The following CHSY3 variants were observed in gnomAD, a reference collection of about 807,000 sequenced individuals.
The protein encoded by CHSY3 is N-acetylgalactosaminyl-proteoglycan 3-beta-glucuronosyltransferase 3.
CHSY3 carries 35 observed loss-of-function variants against 67.2 expected under a neutral mutation model. The observed-to-expected ratio is 0.52, with a 90% CI of 0.40 to 0.69. CHSY3 has a LOEUF of 0.69. CHSY3 is among the 30% of genes least tolerant of loss of function. CHSY3 has a pLI of 0.00. For missense variants in CHSY3, 1,069 were observed against 1,138.5 expected (o/e 0.94, Z 0.88); for synonymous variants, 474 against 434.7 (o/e 1.09, Z -1.12).
chr5:130,058,697 C>T (rs1472492486), intron 2 of CHSY3, among the ~76,000 whole-genome samples: 2 of 152,176 alleles, frequency 1.3e-5, no homozygotes, highest in Non-Finnish European at 1.5e-5. Context: ...TTTCTATTTT[C>T]AGCTATCAGT....
intron 2 of CHSY3, among the ~76,000 whole-genome samples, chr5:130,127,344 C>A (rs1049040719): frequency 2.0e-5 from 3 of 152,252 alleles, no homozygotes; most frequent in African/African-American, 7.2e-5. Context: ...ATTAAAACAA[C>A]CTGCAAGTGA....
chr5:130,128,635 G>T (rs1768376891), intron 2 of CHSY3, among the ~76,000 whole-genome samples: 1 of 152,024 alleles, frequency 6.6e-6, no homozygotes, highest in Admixed American at 6.6e-5. Flanking sequence ...ACCTGAAATT[G>T]CTAAGAGTAC....
At chr5:129,950,013 A>T (rs1051054140) in intron 2 of CHSY3, among the ~76,000 whole-genome samples, 8 of 151,948 alleles carry the variant, frequency 5.3e-5, no homozygotes, top group African/African-American at 1.9e-4. Context: ...AAAATACAAA[A>T]ATTAGCCAGG....
chr5:130,107,078 G>C (rs1377447259), intron 2 of CHSY3, among the ~76,000 whole-genome samples: 1 of 150,954 alleles, frequency 6.6e-6, no homozygotes, highest in African/African-American at 2.4e-5. Context: ...CTAAAATATG[G>C]GTAACTAAGT....
chr5:130,186,201 C>T lies in CHSY3; in HGVS notation c.*410C>T, dbSNP rs1161515438. 1 of 151,446 alleles carries T rather than the reference C, an allele frequency of 6.6e-6. No individual in the cohort carries two copies. Among genetic ancestry groups the T allele is most frequent in the Non-Finnish European group, 1.5e-5 (1 of 68,176 alleles). 9.4% of individuals were successfully genotyped at this position (151,446 alleles called of 1,614,324 possible). A position where few individuals can be genotyped will look rare whatever the true frequency, so the allele number is the denominator to read the frequency against. ...TACAAATATTTACTGGTGAAAGGTA[C>T]CACAAAAGTGCTTTATGCTTCCTAT... is the stretch of plus-strand genomic sequence containing the variant. On this transcript the variant is annotated 3_prime_UTR_variant, in exon 3 of 3. Coordinates refer to ENST00000305031, the MANE Select transcript of CHSY3 (RefSeq NM_175856.5).
chr5:130,092,139 T>C (rs1048725563), intron 2 of CHSY3, among the ~76,000 whole-genome samples: 1 of 152,166 alleles, frequency 6.6e-6, no homozygotes, highest in Non-Finnish European at 1.5e-5. Flanking sequence ...GACCCCACTA[T>C]GCACTGCAGC....
At chr5:130,151,681 A>T (rs1769235397) in intron 2 of CHSY3, among the ~76,000 whole-genome samples, 1 of 152,188 alleles carries the variant, frequency 6.6e-6, no homozygotes, top group African/African-American at 2.4e-5. Context: ...GGCACGAAGA[A>T]GTGTCAAGCA....
intron 2 of CHSY3, among the ~76,000 whole-genome samples, chr5:130,050,928 A>T (rs1315361968): frequency 6.6e-6 from 1 of 152,162 alleles, no homozygotes; most frequent in Non-Finnish European, 1.5e-5. Flanking sequence ...TAATTGTTAT[A>T]TACCCACCTT....
intron 2 of CHSY3, among the ~76,000 whole-genome samples, chr5:129,946,053 G>A (rs1761846095): frequency 6.6e-6 from 1 of 152,152 alleles, no homozygotes; most frequent in South Asian, 2.1e-4. Flanking sequence ...CAGCACAGAA[G>A]CACAACTGCA....
rs532828429 is a variant in CHSY3 at position 130,121,146 on chromosome 5, C to G, written c.1087-63083C>G. Among the ~76,000 whole-genome samples the G allele has an allele frequency of 1.5e-3, 229 of 152,220 alleles. 1 individual carries two copies. Among genetic ancestry groups the G allele is most frequent in the African/African-American group, 4.7e-3 (196 of 41,540 alleles). ...CCCCAACTTTAATGTGCATATGAGT[C>G]AGCTGGGGGAGTCTTGTTAAAATGT... On this transcript the variant is annotated intron_variant, in intron 2 of 2. Coordinates refer to ENST00000305031, the MANE Select transcript of CHSY3 (RefSeq NM_175856.5).
chr5:130,169,026 T>C (rs1769826111), intron 2 of CHSY3, among the ~76,000 whole-genome samples: 1 of 152,106 alleles, frequency 6.6e-6, no homozygotes, highest in African/African-American at 2.4e-5. Context: ...GCCAAACTGT[T>C]AGGGAGGATG....
At chr5:130,032,848 G>A (rs1764741346) in intron 2 of CHSY3, among the ~76,000 whole-genome samples, 1 of 152,144 alleles carries the variant, frequency 6.6e-6, no homozygotes, top group East Asian at 1.9e-4. Context: ...GAAGGGTGAG[G>A]AAGCCCAATT....
At chr5:130,062,629 T>C (rs1028508836) in intron 2 of CHSY3, among the ~76,000 whole-genome samples, 15 of 152,152 alleles carry the variant, frequency 9.9e-5, no homozygotes, top group Admixed American at 7.9e-4. Context: ...AATAATTTTT[T>C]TAAATGCAGT....
At chr5:130,137,353 A>G (rs114578172) in intron 2 of CHSY3, among the ~76,000 whole-genome samples, 72 of 152,276 alleles carry the variant, frequency 4.7e-4, no homozygotes, top group Non-Finnish European at 4.7e-4. Flanking sequence ...GTATGTGAAG[A>G]TTATTATGAC....
intron 2 of CHSY3, among the ~76,000 whole-genome samples, chr5:130,011,411 T>C (rs1764057108): frequency 6.6e-6 from 1 of 152,134 alleles, no homozygotes; most frequent in African/African-American, 2.4e-5. Flanking sequence ...AGTCTTTCAA[T>C]AAAATTCAAC....
intron 2 of CHSY3, among the ~76,000 whole-genome samples, chr5:130,177,947 T>G (rs1770105533): frequency 6.6e-6 from 1 of 151,894 alleles, no homozygotes; most frequent in South Asian, 2.1e-4. Context: ...ATTTTCTTTT[T>G]TTGTCTTTTT....
At chr5:130,022,039 A>G (rs968592995) in intron 2 of CHSY3, among the ~76,000 whole-genome samples, 4 of 152,084 alleles carry the variant, frequency 2.6e-5, no homozygotes, top group Non-Finnish European at 5.9e-5. Context: ...CTGGGAAGGT[A>G]GATTAAATTT....
intron 2 of CHSY3, among the ~76,000 whole-genome samples, chr5:130,044,555 A>G (rs1169840052): frequency 1.3e-5 from 2 of 152,060 alleles, no homozygotes; most frequent in East Asian, 3.9e-4. Context: ...GTGACTCTAA[A>G]AGGGATGGTG....
chr5:129,946,010 C>T (rs1448442570), intron 2 of CHSY3, among the ~76,000 whole-genome samples: 1 of 152,028 alleles, frequency 6.6e-6, no homozygotes, highest in African/African-American at 2.4e-5. Context: ...TTATTTTTAA[C>T]AATCTTCCCA....
Sources: gnomAD v4.1 joint callset for allele counts (sites outside exome capture counted in the v4.1 genomes callset) on GRCh38, gnomAD v4.1.1 for gene constraint, MANE v1.5 for transcripts, NCBI Gene and HGNC (gene_info 2026-07-23, HGNC 2026-07-21) for gene names.